SMG6: variants seen among roughly 807,000 people sequenced by gnomAD.
SMG6 encodes the protein telomerase-binding protein EST1A.
A neutral mutation model predicts 142.2 loss-of-function variants in SMG6; 66 were observed. The ratio of observed to expected loss-of-function variants is 0.46; its 90% CI spans 0.38 to 0.57. The LOEUF is 0.57. Among genes scored for constraint, SMG6 ranks in the 20% least tolerant of loss-of-function variants. SMG6 has a pLI of 0.00. For missense variants in SMG6, 1,793 were observed against 1,832.0 expected (o/e 0.98, Z 0.39); for synonymous variants, 779 against 702.4 (o/e 1.11, Z -1.72).
intron 12 of SMG6, 49 bp downstream of exon 12, chr17:2,186,614 C>T (rs762174696): frequency 1.5e-5 from 24 of 1,599,882 alleles, no homozygotes; most frequent in Middle Eastern, 1.7e-4. Context: ...TGTAGGAACA[C>T]GGGCAGGCCC....
At position 2,246,104 on chromosome 17, in the gene SMG6, T is replaced by C. The variant is rs114769238; in HGVS notation, c.2662-1385A>G. 3.8e-3 allele frequency among the ~76,000 whole-genome samples: 578 copies of C among 152,306 alleles called. 3 individuals are homozygous for C. Among genetic ancestry groups the C allele is most frequent in the African/African-American group, 0.013 (523 of 41,552 alleles). ...CTACATCTGGCCCATGAGCCACCAA[T>C]TTACAATCGTGGTTCAAGGTTCTAG... On this transcript the variant is annotated intron_variant, in intron 8 of 18. Coordinates refer to ENST00000263073, the MANE Select transcript of SMG6 (RefSeq NM_017575.5).
At chr17:2,179,460 C>G (rs559528943) in intron 12 of SMG6, among the ~76,000 whole-genome samples, 2 of 152,200 alleles carry the variant, frequency 1.3e-5, no homozygotes, top group African/African-American at 4.8e-5. Context: ...ATACGCCCTA[C>G]GTATCCCTCT....
At chr17:2,178,927 A>C (rs1303116912) in intron 12 of SMG6, among the ~76,000 whole-genome samples, 1 of 152,130 alleles carries the variant, frequency 6.6e-6, no homozygotes, top group African/African-American at 2.4e-5. Context: ...CACTGGACCC[A>C]AATAACCTCA....
At chr17:2,135,996 A>ATGTGTGTGTGTGTGTG (rs545225787) in intron 13 of SMG6, among the ~76,000 whole-genome samples, 3 of 141,108 alleles carry the variant, frequency 2.1e-5, no homozygotes, top group African/African-American at 8.0e-5. Flanking sequence ...ATATATATTT[A>ATGTGTGTGTGTGTGTG]TGTGTGTGTG....
intron 10 of SMG6, among the ~76,000 whole-genome samples, chr17:2,199,574 TAAATAA>T (rs2072447689): frequency 1.3e-5 from 2 of 151,374 alleles, no homozygotes; most frequent in Admixed American, 6.6e-5. Flanking sequence ...AATAAATAAA[TAAATAA>T]AAATAAAAAA....
At chr17:2,094,459 T>C (rs2068804460) in intron 13 of SMG6, among the ~76,000 whole-genome samples, 1 of 152,042 alleles carries the variant, frequency 6.6e-6, no homozygotes, top group Non-Finnish European at 1.5e-5. Flanking sequence ...GGCTGGTCTC[T>C]AATTCCTTAC....
At position 2,297,983 on chromosome 17, in the gene SMG6, A is replaced by G. The variant is rs2075181021; in HGVS notation, c.1920T>C (p.Asp640=). 2 of 1,613,338 alleles carry G rather than the reference A, an allele frequency of 1.2e-6. No individual in the cohort carries two copies. Among genetic ancestry groups the G allele is most frequent in the Admixed American group, 3.3e-5 (2 of 60,000 alleles). ...DIEFSDNQNV[D]QILWKNAFYQ... is the part of the protein sequence containing the mutation. ...AGAAAGCATTCTTCCACAGGATCTGATCCACATTCTGATTATCAGAGAACT... is the reference window on the plus strand; with the variant it reads ...AGAAAGCATTCTTCCACAGGATCTGGTCCACATTCTGATTATCAGAGAACT... Residue 640 remains aspartate (D), a synonymous_variant, in exon 3 of 19, where the codon GAT becomes GAC. Transcript: ENST00000263073.
intron 10 of SMG6, among the ~76,000 whole-genome samples, chr17:2,231,130 G>A (rs894242067): frequency 6.6e-6 from 1 of 152,120 alleles, no homozygotes; most frequent in Non-Finnish European, 1.5e-5. Context: ...AGAGACTCAC[G>A]ACAGAAGTGA....
chr17:2,250,090 G>A (rs1435776173), intron 8 of SMG6, among the ~76,000 whole-genome samples: 1 of 152,188 alleles, frequency 6.6e-6, no homozygotes, highest in African/African-American at 2.4e-5. Context: ...AGCCTTGAAA[G>A]TTATCACTCA....
Position 2,125,845 on chromosome 17 carries a change from T to C in SMG6, c.3358-39944A>G, listed in dbSNP as rs563562209. On this transcript the variant is annotated intron_variant, in intron 13 of 18. Transcript: ENST00000263073. ...GCGCATGCCTGTAATCCCAGGTACT[T>C]GGGAGGCTGAGGCACAAGAATCGCT... 1.3e-4 allele frequency among the ~76,000 whole-genome samples: 20 copies of C among 149,572 alleles called. No homozygotes were observed. In the South Asian group the frequency reaches 4.2e-3, roughly 32 times the overall value.
chr17:2,101,439 A>C (rs2069004566), intron 13 of SMG6: 1 of 152,182 alleles, frequency 6.6e-6, no homozygotes, highest in African/African-American at 2.4e-5. Context: ...GGATCTAGAA[A>C]TCCTCTGCAC....
intron 13 of SMG6, among the ~76,000 whole-genome samples, chr17:2,126,917 CACAA>C (rs1422366721): frequency 6.6e-6 from 1 of 151,906 alleles, no homozygotes; most frequent in East Asian, 1.9e-4. Context: ...TGCACACAGA[CACAA>C]ACATACATGC....
intron 8 of SMG6, among the ~76,000 whole-genome samples, chr17:2,273,290 C>A (rs913480091): frequency 6.6e-6 from 1 of 152,060 alleles, no homozygotes; most frequent in Non-Finnish European, 1.5e-5. Flanking sequence ...CTGAGGTGGG[C>A]GGATCACTTA....
At chr17:2,271,181 C>A (rs1159945828) in intron 8 of SMG6, among the ~76,000 whole-genome samples, 2 of 147,472 alleles carry the variant, frequency 1.4e-5, no homozygotes, top group Non-Finnish European at 3.0e-5. Flanking sequence ...GTGGTGCAAT[C>A]TTGGCTCACT....
intron 8 of SMG6, among the ~76,000 whole-genome samples, chr17:2,247,782 G>C (rs773525436): frequency 1.8e-4 from 28 of 151,404 alleles, no homozygotes; most frequent in Admixed American, 1.1e-3. Flanking sequence ...AACTGTCTCA[G>C]AGAAAAAAAG....
intron 8 of SMG6, chr17:2,265,948 T>G (rs1330350954): frequency 1.0e-6 from 1 of 972,228 alleles, no homozygotes; most frequent in East Asian, 1.1e-4. Context: ...AACTGGTGCA[T>G]GTGTTGGGCT....
chr17:2,090,539 C>T (rs2068689283), intron 13 of SMG6, among the ~76,000 whole-genome samples: 1 of 152,228 alleles, frequency 6.6e-6, no homozygotes, highest in Non-Finnish European at 1.5e-5. Flanking sequence ...CTCGCTCTAT[C>T]GTTACCTGGT....
chr17:2,119,235 T>A (rs911597293), intron 13 of SMG6, among the ~76,000 whole-genome samples: 1 of 152,022 alleles, frequency 6.6e-6, no homozygotes, highest in African/African-American at 2.4e-5. Context: ...TTTTTTGTAT[T>A]TCTAGTAGAG....
chr17:2,276,417 G>A (rs1305834694), intron 8 of SMG6, among the ~76,000 whole-genome samples: 2 of 150,708 alleles, frequency 1.3e-5, no homozygotes, highest in East Asian at 1.9e-4. Flanking sequence ...TTTGAGTTTT[G>A]CTCGTTGCCC....
Sources: gnomAD v4.1 joint callset for allele counts (sites outside exome capture counted in the v4.1 genomes callset) on GRCh38, gnomAD v4.1.1 for gene constraint, MANE v1.5 for transcripts, NCBI Gene and HGNC (gene_info 2026-07-23, HGNC 2026-07-21) for gene names.